Variants in MAMDC2 observed in about 807,000 individuals in gnomAD.
The protein encoded by MAMDC2 is MAM domain containing 2.
A neutral mutation model predicts 89.8 loss-of-function variants in MAMDC2; 57 were observed. That is an observed-to-expected ratio of 0.63 (90% CI 0.51 to 0.79). The LOEUF (loss-of-function observed/expected upper bound fraction) is 0.79, where lower values mean the gene tolerates loss of function less well. MAMDC2 is among the 30% of genes least tolerant of loss of function. The pLI is 0.00. For missense variants in MAMDC2, 800 were observed against 820.6 expected (o/e 0.97, Z 0.31); for synonymous variants, 313 against 293.4 (o/e 1.07, Z -0.68).
intron 2 of MAMDC2, among the ~76,000 whole-genome samples, chr9:70,061,147 C>A (rs939457754): frequency 6.6e-6 from 1 of 152,162 alleles, no homozygotes; most frequent in African/African-American, 2.4e-5. Flanking sequence ...GTTCTCCAGG[C>A]CCACTTAAAT....
chr9:70,087,075 A>T (rs1827785812), intron 2 of MAMDC2: 1 of 152,030 alleles, frequency 6.6e-6, no homozygotes, highest in Non-Finnish European at 1.5e-5. Context: ...CACAGTAGGG[A>T]CAAAGTTGAG....
intron 11 of MAMDC2, among the ~76,000 whole-genome samples, chr9:70,204,128 C>T (rs1024172637): frequency 5.1e-4 from 78 of 152,070 alleles, no homozygotes; most frequent in Non-Finnish European, 9.1e-4. Flanking sequence ...GGAGGAGAGA[C>T]GCTCTGCGTT....
At position 70,177,624 on chromosome 9, in the gene MAMDC2, C is replaced by T. The variant is rs145585907; in HGVS notation, c.1651+6993C>T. Among the ~76,000 whole-genome samples, 376 of 152,282 alleles carry T rather than the reference C, an allele frequency of 2.5e-3. 1 individual carries two copies. Among genetic ancestry groups the T allele is most frequent in the Non-Finnish European group, 3.2e-3 (221 of 68,032 alleles). On this transcript the variant is annotated intron_variant, in intron 11 of 13. Transcript: ENST00000377182. ...CCTGTAAGGTAAGTGAAAGTTCCCA[C>T]GTTTTGCAGGAGGAAGCTGAAGTTT...
intron 2 of MAMDC2, among the ~76,000 whole-genome samples, chr9:70,056,181 C>T (rs1827020969): frequency 1.3e-5 from 2 of 152,232 alleles, no homozygotes; most frequent in South Asian, 4.1e-4. Flanking sequence ...ATGACCAAAA[C>T]AATCTATCCA....
chr9:70,226,203 T>A lies in MAMDC2; in HGVS notation c.*171T>A. On this transcript the variant is annotated 3_prime_UTR_variant, in exon 14 of 14. Transcript: ENST00000377182. ...AAACATACTGACTCAGGGCTCTTTTTTTCTTTTTGCATATGACAACTGTTA... is the reference window on the plus strand; with the variant it reads ...AAACATACTGACTCAGGGCTCTTTTATTCTTTTTGCATATGACAACTGTTA... The A allele has an allele frequency of 2.2e-6, 1 of 449,360 alleles. No individual in the cohort carries two copies. The highest frequency in any genetic ancestry group is 4.9e-5 in the South Asian group (1 of 20,604). The allele number at this position is 449,360 out of a possible 1,614,324, so 27.8% of individuals were successfully genotyped here. A position where few individuals can be genotyped will look rare whatever the true frequency, so the allele number is the denominator to read the frequency against.
At chr9:70,066,128 T>G (rs527882490) in intron 2 of MAMDC2, among the ~76,000 whole-genome samples, 60 of 152,150 alleles carry the variant, frequency 3.9e-4, no homozygotes, top group African/African-American at 1.0e-3. Flanking sequence ...AGGATAGGTA[T>G]GAAGGAAGAT....
At chr9:70,219,075 A>G (rs2033505671) in intron 12 of MAMDC2, among the ~76,000 whole-genome samples, 1 of 152,128 alleles carries the variant, frequency 6.6e-6, no homozygotes, top group South Asian at 2.1e-4. Context: ...CACTGCATTG[A>G]TGCAAAAGAA....
intron 2 of MAMDC2, among the ~76,000 whole-genome samples, chr9:70,047,205 T>TC (rs202039874): frequency 5.3e-5 from 8 of 151,928 alleles, no homozygotes; most frequent in Non-Finnish European, 1.2e-4. Context: ...TTTTTTTTTT[T>TC]CTTTAAGTTC....
intron 12 of MAMDC2, among the ~76,000 whole-genome samples, chr9:70,219,939 T>C (rs1192243895): frequency 6.6e-6 from 1 of 152,118 alleles, no homozygotes; most frequent in Non-Finnish European, 1.5e-5. Flanking sequence ...GCAAATTCAC[T>C]TGAAACACAA....
chr9:70,120,517 C>T (rs1029422642), intron 5 of MAMDC2, among the ~76,000 whole-genome samples: 1 of 152,206 alleles, frequency 6.6e-6, no homozygotes, highest in Non-Finnish European at 1.5e-5. Flanking sequence ...GCAGCTCTAA[C>T]CCAACTCTTT....
chr9:70,162,671 TA>T (rs1407940914), intron 9 of MAMDC2, among the ~76,000 whole-genome samples: 1 of 151,866 alleles, frequency 6.6e-6, no homozygotes, highest in Non-Finnish European at 1.5e-5. Flanking sequence ...TTTATACTTT[TA>T]GTAGAGAGGG....
chr9:70,179,940 C>T (rs1000724685), intron 11 of MAMDC2, among the ~76,000 whole-genome samples: 1 of 146,398 alleles, frequency 6.8e-6, no homozygotes, highest in South Asian at 2.1e-4. Flanking sequence ...CACAGGTATA[C>T]ATGTGTGATG....
chr9:70,123,406 G>A (rs1358172239), intron 5 of MAMDC2, among the ~76,000 whole-genome samples: 3 of 152,058 alleles, frequency 2.0e-5, no homozygotes, highest in Non-Finnish European at 2.9e-5. Context: ...CATATCAGAG[G>A]TTCTTTGATT....
intron 2 of MAMDC2, among the ~76,000 whole-genome samples, chr9:70,064,762 A>G (rs2997668): frequency 0.18 from 27,184 of 152,156 alleles, 3,858 homozygotes; most frequent in African/African-American, 0.39. Context: ...AAGGCCTCTG[A>G]GCAGAACCCT....
chr9:70,166,397 C>T (rs1405772131), intron 9 of MAMDC2, among the ~76,000 whole-genome samples: 1 of 151,226 alleles, frequency 6.6e-6, no homozygotes, highest in Non-Finnish European at 1.5e-5. Flanking sequence ...CTGTTTAATG[C>T]CCATAATTTT....
chr9:70,084,756 G>C (rs913839731), intron 2 of MAMDC2, among the ~76,000 whole-genome samples: 9 of 152,082 alleles, frequency 5.9e-5, no homozygotes, highest in African/African-American at 2.2e-4. Context: ...AGGATGTTGA[G>C]ATAAATGATA....
intron 11 of MAMDC2, chr9:70,175,880 C>T (rs1418050215): frequency 2.0e-5 from 3 of 152,186 alleles, no homozygotes; most frequent in African/African-American, 4.8e-5. Context: ...GCCAGTGCAC[C>T]CCCGATATGT....
At chr9:70,205,931 C>T (rs1045895063) in intron 11 of MAMDC2, among the ~76,000 whole-genome samples, 3 of 152,112 alleles carry the variant, frequency 2.0e-5, no homozygotes, top group African/African-American at 7.2e-5. Flanking sequence ...AGTGGCTCTG[C>T]GTGAAGTTCT....
chr9:70,116,203 A>G (rs1201973527), intron 5 of MAMDC2, among the ~76,000 whole-genome samples: 1 of 152,200 alleles, frequency 6.6e-6, no homozygotes, highest in Non-Finnish European at 1.5e-5. Flanking sequence ...TTCATTTTTC[A>G]TCCTCGATGG....
Sources: gnomAD v4.1 joint callset for allele counts (sites outside exome capture counted in the v4.1 genomes callset) on GRCh38, gnomAD v4.1.1 for gene constraint, MANE v1.5 for transcripts, NCBI Gene and HGNC (gene_info 2026-07-23, HGNC 2026-07-21) for gene names.